RASSF8: variants seen among roughly 807,000 people sequenced by gnomAD.
The protein encoded by RASSF8 is Ras association domain family member 8.
Under a neutral mutation model 48.5 loss-of-function variants are expected in RASSF8, and 22 were observed. That is an observed-to-expected ratio of 0.45 (90% CI 0.32 to 0.65). The LOEUF is 0.65. RASSF8 is among the 30% of genes least tolerant of loss of function. RASSF8 has a pLI of 0.03. For missense variants in RASSF8, 418 were observed against 489.2 expected (o/e 0.85, Z 1.37); for synonymous variants, 127 against 171.5 (o/e 0.74, Z 2.03).
chr12:26,038,287 A>G (rs1326663896), intron 2 of RASSF8, among the ~76,000 whole-genome samples: 2 of 152,206 alleles, frequency 1.3e-5, no homozygotes, highest in South Asian at 2.1e-4. Flanking sequence ...AATGAAGACC[A>G]CAAAAATAAG....
chr12:26,036,181 C>T (rs1160804757), intron 2 of RASSF8, among the ~76,000 whole-genome samples: 1 of 151,756 alleles, frequency 6.6e-6, no homozygotes, highest in Non-Finnish European at 1.5e-5. Context: ...AATCCATGTT[C>T]CTCGCTAACT....
chr12:26,020,609 T>C (rs1942765680), intron 2 of RASSF8: 1 of 152,140 alleles, frequency 6.6e-6, no homozygotes, highest in Admixed American at 6.5e-5. Context: ...AAGTGAAAAC[T>C]AAATTGCCAA....
chr12:25,991,079 T>C (rs1030990651), intron 1 of RASSF8, among the ~76,000 whole-genome samples: 3 of 152,186 alleles, frequency 2.0e-5, no homozygotes, highest in Non-Finnish European at 4.4e-5. Context: ...ATATTGTCCA[T>C]TGATTATCTG....
intron 2 of RASSF8, among the ~76,000 whole-genome samples, chr12:26,038,369 C>CAA (rs886929712): frequency 1.3e-5 from 2 of 152,134 alleles, no homozygotes; most frequent in Non-Finnish European, 2.9e-5. Context: ...GTAGATCCTG[C>CAA]AAATGTACTT....
intron 2 of RASSF8, among the ~76,000 whole-genome samples, chr12:26,044,674 A>T (rs1220412021): frequency 6.6e-6 from 1 of 152,202 alleles, no homozygotes; most frequent in South Asian, 2.1e-4. Context: ...TACCACTTTA[A>T]TCAGTATCAC....
At chr12:25,979,458 G>A (rs1941686788) in intron 1 of RASSF8, among the ~76,000 whole-genome samples, 1 of 152,042 alleles carries the variant, frequency 6.6e-6, no homozygotes, top group South Asian at 2.1e-4. Flanking sequence ...AGTGAGGTTA[G>A]CACTGAGTTG....
chr12:26,000,981 CCT>C (rs1491255055), intron 2 of RASSF8, among the ~76,000 whole-genome samples: 3 of 111,016 alleles, frequency 2.7e-5, no homozygotes, highest in Non-Finnish European at 5.6e-5. Context: ...TTTAAAATTT[CCT>C]TTTTTTTTTT....
At chr12:26,013,838 A>G (rs189647160) in intron 2 of RASSF8, among the ~76,000 whole-genome samples, 105 of 152,216 alleles carry the variant, frequency 6.9e-4, no homozygotes, top group African/African-American at 2.4e-3. Flanking sequence ...CTAAATTAAG[A>G]CTCTGAAATT....
chr12:26,028,114 G>A (rs192741248), intron 2 of RASSF8, among the ~76,000 whole-genome samples: 1 of 152,318 alleles, frequency 6.6e-6, no homozygotes, highest in African/African-American at 2.4e-5. Flanking sequence ...TGGGAATAAT[G>A]TGGATGAATT....
intron 1 of RASSF8, among the ~76,000 whole-genome samples, chr12:25,976,908 A>G (rs927477637): frequency 6.6e-6 from 1 of 152,160 alleles, no homozygotes; most frequent in African/African-American, 2.4e-5. Context: ...GTTTTGCACG[A>G]AAGTTGTGAA....
chr12:25,998,086 G>A (rs1456861070), intron 2 of RASSF8, among the ~76,000 whole-genome samples: 1 of 152,166 alleles, frequency 6.6e-6, no homozygotes, highest in Non-Finnish European at 1.5e-5. Flanking sequence ...TAACGTGCAA[G>A]TCTAATATTA....
At chr12:26,023,195 T>C (rs1228018442) in intron 2 of RASSF8, among the ~76,000 whole-genome samples, 1 of 152,010 alleles carries the variant, frequency 6.6e-6, no homozygotes, top group African/African-American at 2.4e-5. Context: ...CTGACCTATG[T>C]AATGGGAGTA....
At chr12:26,035,441 A>T (rs11048386) in intron 2 of RASSF8, among the ~76,000 whole-genome samples, 48 of 23,770 alleles carry the variant, frequency 2.0e-3, no homozygotes, top group Non-Finnish European at 4.0e-3. Flanking sequence ...ATAATTATAT[A>T]ATATAAGTAT....
At chr12:25,962,034 T>A (rs1328408603) in intron 1 of RASSF8, among the ~76,000 whole-genome samples, 1 of 147,908 alleles carries the variant, frequency 6.8e-6, no homozygotes. Context: ...CCTTGCAGTC[T>A]GTTTTACTAC....
At chr12:26,017,819 A>G (rs1942687979) in intron 2 of RASSF8, among the ~76,000 whole-genome samples, 1 of 152,212 alleles carries the variant, frequency 6.6e-6, no homozygotes, top group Non-Finnish European at 1.5e-5. Flanking sequence ...TCTTGGCAAA[A>G]CTTCACATGG....
At chr12:25,961,579 C>A (rs1941235651) in intron 1 of RASSF8, among the ~76,000 whole-genome samples, 1 of 152,112 alleles carries the variant, frequency 6.6e-6, no homozygotes. Context: ...CTTTGTCACT[C>A]CCGAGGTGAG....
chr12:25,963,786 T>C (rs975431331), intron 1 of RASSF8, among the ~76,000 whole-genome samples: 6 of 152,208 alleles, frequency 3.9e-5, no homozygotes, highest in Non-Finnish European at 7.4e-5. Flanking sequence ...TTTGAGCCCC[T>C]GTTGGGTGCT....
In RASSF8 at chr12:26,014,409, T is replaced by C. The variant is rs540923557; in HGVS notation, c.-109+19279T>C. Among the ~76,000 whole-genome samples, 3 of 152,316 alleles carry C rather than the reference T, an allele frequency of 2.0e-5. No homozygotes were observed. In the East Asian group the frequency reaches 5.8e-4, roughly 29 times the overall value. ...TCTAAATGTGTCTGTGTTAACTTTC[T>C]CCCAATATGTTTTGGGAAATAATAA... is the stretch of plus-strand genomic sequence containing the variant. On this transcript the variant is annotated intron_variant, in intron 2 of 5. Transcript: ENST00000689635.
intron 2 of RASSF8, among the ~76,000 whole-genome samples, chr12:26,001,707 G>A (rs1942262697): frequency 6.6e-6 from 1 of 151,832 alleles, no homozygotes; most frequent in Admixed American, 6.6e-5. Context: ...CACACATAGA[G>A]CTGTCATCTC....
Sources: gnomAD v4.1 joint callset for allele counts (sites outside exome capture counted in the v4.1 genomes callset) on GRCh38, gnomAD v4.1.1 for gene constraint, MANE v1.5 for transcripts, NCBI Gene and HGNC (gene_info 2026-07-23, HGNC 2026-07-21) for gene names.